SPTBN2: variants seen among roughly 807,000 people sequenced by gnomAD.
SPTBN2 encodes spectrin beta chain, non-erythrocytic 2.
A neutral mutation model predicts 284.2 loss-of-function variants in SPTBN2; 107 were observed. The ratio of observed to expected loss-of-function variants is 0.38; its 90% confidence interval spans 0.32 to 0.44. The LOEUF (loss-of-function observed/expected upper bound fraction) is 0.44, where lower values mean the gene tolerates loss of function less well. Among genes scored for constraint, SPTBN2 ranks in the 20% least tolerant of loss-of-function variants. SPTBN2 has a pLI of 1.00. For missense variants in SPTBN2, 2,569 were observed against 3,287.1 expected (o/e 0.78, Z 5.34); for synonymous variants, 1,289 against 1,354.8 (o/e 0.95, Z 1.07).
chr11:66,693,279 G>T lies in SPTBN2; in HGVS notation c.4761C>A (p.Ala1587=). 1 of 1,613,916 alleles carries T rather than the reference G, an allele frequency of 6.2e-7. No homozygotes were observed. ...LELRGKRLED[A]LRAQQFYRDA... is the part of the protein sequence containing the mutation. ...CGCGGTAGAACTGCTGGGCTCGCAG[G>T]GCATCCTCCAGTCGCTTCCCTCGAA... Residue 1587 remains alanine, a synonymous_variant, in exon 24 of 38, where the codon GCC becomes GCA. Coordinates refer to ENST00000533211, the MANE Select transcript of SPTBN2 (RefSeq NM_006946.4). The surrounding 1 kb of genome is among the most constrained non-coding windows in gnomAD (Gnocchi z 5.7).
In SPTBN2 at chr11:66,693,590, G is replaced by A. The variant is rs746581095; in HGVS notation, c.4594-144C>T. On this transcript the variant is annotated intron_variant, in intron 23 of 37. Transcript: ENST00000533211. The surrounding 1 kb of genome is among the most constrained non-coding windows in gnomAD (Gnocchi z 5.7). ...GCCTGGGGGTGCGATGGTAACACCC[G>A]TCAGCCGCCCAGCCCCCACTATCTC... 96 of 1,410,424 alleles carry A rather than the reference G, an allele frequency of 6.8e-5. No homozygotes were observed. The highest frequency in any genetic ancestry group is 8.4e-5 in the Non-Finnish European group (87 of 1,036,910). The allele number at this position is 1,410,424 out of a possible 1,614,324, so 87.4% of individuals were successfully genotyped here.
rs996182793 is a variant in SPTBN2 at position 66,708,022 on chromosome 11, T to G, written c.1350+119A>C. 1.3e-6 allele frequency: 2 copies of G among 1,543,786 alleles called. No homozygotes were observed. The highest frequency in any genetic ancestry group is 1.8e-6 in the Non-Finnish European group (2 of 1,123,380). ...CCCTGGCTCCCGGACCTCTAGGCCT[T>G]TTTACCCAGGTGACGGATTTTGTGT... On this transcript the variant is annotated intron_variant, in intron 12 of 37. Transcript: ENST00000533211. The surrounding 1 kb of genome is among the most constrained non-coding windows in gnomAD (Gnocchi z 4.4).
At chr11:66,739,252 T>G (rs967769070) in intron 1 of SPTBN2, among the ~76,000 whole-genome samples, 1 of 152,224 alleles carries the variant, frequency 6.6e-6, no homozygotes, top group African/African-American at 2.4e-5. Flanking sequence ...AGTCAACTTT[T>G]AGAGATCGGT....
intron 1 of SPTBN2, among the ~76,000 whole-genome samples, chr11:66,734,854 C>T (rs925622261): frequency 6.6e-6 from 1 of 152,174 alleles, no homozygotes; most frequent in Admixed American, 6.5e-5. Flanking sequence ...GTTTTCATAT[C>T]AAATGATGTA....
chr11:66,714,825 C>T (rs2135518547), intron 5 of SPTBN2, among the ~76,000 whole-genome samples: 1 of 152,142 alleles, frequency 6.6e-6, no homozygotes, highest in East Asian at 1.9e-4. Flanking sequence ...GGTGACTGTT[C>T]CATTGGGGGA....
Position 66,685,886 on chromosome 11 carries a change from A to G in SPTBN2, c.7158T>C (p.Phe2386=), listed in dbSNP as rs768285089. The G allele has an allele frequency of 6.8e-6, 11 of 1,613,712 alleles. No homozygotes were observed. In the East Asian group the frequency reaches 2.0e-4, roughly 29 times the overall value. The change falls in exon 38 of 38, where the codon TTT becomes TTC. Residue 2386 remains phenylalanine, a synonymous_variant. Coordinates refer to ENST00000533211, the MANE Select transcript of SPTBN2 (RefSeq NM_006946.4). The surrounding 1 kb of genome is among the most constrained non-coding windows in gnomAD (Gnocchi z 4.4). The stretch of plus-strand genomic sequence containing the variant: ...TTGCCCCCAACTACTTGTTCTTCTT[A>G]AAGAAGCTGAAGCGTTTTTCTCGCT... ...EREREKRFSF[F]KKNK
chr11:66,697,238 C>G (rs182499291), intron 20 of SPTBN2, among the ~76,000 whole-genome samples: 152 of 152,282 alleles, frequency 1.0e-3, no homozygotes, highest in Middle Eastern at 3.4e-3. Flanking sequence ...GCTCCACCCC[C>G]CTACTGATCA....
In SPTBN2 at chr11:66,686,104, C is replaced by T. The variant is rs184825626; in HGVS notation, c.6940G>A (p.Ala2314Thr). The change falls in exon 38 of 38, where the codon GCA becomes ACA. Residue 2314 changes from alanine (A) to threonine (T), a missense_variant and splice_region_variant. This residue lies in a region of SPTBN2 where 1,130 missense variants were observed against 1,317.3 expected (regional missense o/e 0.86). Coordinates refer to ENST00000533211, the MANE Select transcript of SPTBN2 (RefSeq NM_006946.4). ...KEYLFQAKDE[A>T]EMSSWLRVVN... ...ACCCGTAGCCACGAGCTCATCTCTG[C>T]CTGTGGATGGAAAGACCCTCAATCA... The T allele has an allele frequency of 5.6e-6, 9 of 1,612,158 alleles. No homozygotes were observed. Among genetic ancestry groups the T allele is most frequent in the Non-Finnish European group, 7.6e-6 (9 of 1,179,126 alleles).
upstream of SPTBN2, among the ~76,000 whole-genome samples, chr11:66,733,416 G>A (rs1942828263): frequency 6.6e-6 from 1 of 152,180 alleles, no homozygotes; most frequent in Non-Finnish European, 1.5e-5. Flanking sequence ...GATAGATACA[G>A]GGGTGGTGGT....
Position 66,700,564 on chromosome 11 carries a change from G to T in SPTBN2, c.3535C>A (p.Arg1179=). 1 of 1,606,862 alleles carries T rather than the reference G, an allele frequency of 6.2e-7. No individual in the cohort carries two copies. Residue 1179 remains arginine, a synonymous_variant, in exon 17 of 38, where the codon CGG becomes AGG. Coordinates refer to ENST00000533211, the MANE Select transcript of SPTBN2 (RefSeq NM_006946.4). This position sits in a 1 kb window ranked among gnomAD's most constrained non-coding sequence, Gnocchi z 6.6. ...AQAHGFQGFL[R]DARQAEGVLS... ...ACGCCCTCAGCCTGACGAGCATCCC[G>T]CAGGAATCCCTGGAAGCCGTGGGCC...
chr11:66,713,321 G>T (rs555937567), intron 8 of SPTBN2, among the ~76,000 whole-genome samples: 29 of 149,610 alleles, frequency 1.9e-4, no homozygotes, highest in Admixed American at 2.6e-4. Context: ...TATTTTTTTT[G>T]GGGGGGAGGG....
chr11:66,722,209 A>C (rs1222313443), intron 1 of SPTBN2, among the ~76,000 whole-genome samples: 1 of 152,130 alleles, frequency 6.6e-6, no homozygotes, highest in East Asian at 1.9e-4. Flanking sequence ...GACATGCATC[A>C]CGTCACCATA....
At position 66,699,556 on chromosome 11, in the gene SPTBN2, G is replaced by T. The variant is rs778424143; in HGVS notation, c.3626C>A (p.Ala1209Asp). 3 of 1,614,190 alleles carry T rather than the reference G, an allele frequency of 1.9e-6. No homozygotes were observed. In the South Asian group the frequency reaches 3.3e-5, roughly 18 times the overall value. Residue 1209 changes from alanine (A) to aspartate (D), a missense_variant, in exon 18 of 38, where the codon GCT (alanine) becomes GAT (aspartate). Physicochemically the swap from Ala to Asp is moderately radical, Grantham distance 126 (BLOSUM62 -2). Transcript: ENST00000533211. ...GAAGTCCTCCAGTTTTTTAATGGCAGCATCAGCAGCCTGGAGTGTCCCTGG... is the reference window on the plus strand; with the variant it reads ...GAAGTCCTCCAGTTTTTTAATGGCATCATCAGCAGCCTGGAGTGTCCCTGG... ...EMPGTLQAADAAIKKLEDFMS... is the reference protein window; with the variant it reads ...EMPGTLQAADDAIKKLEDFMS...
chr11:66,715,514 C>A lies in SPTBN2; in HGVS notation c.310-119G>T. 1 of 1,365,460 alleles carries A rather than the reference C, an allele frequency of 7.3e-7. No homozygotes were observed. The highest frequency in any genetic ancestry group is 9.9e-7 in the Non-Finnish European group (1 of 1,006,604). 84.6% of individuals were successfully genotyped at this position (1,365,460 alleles called of 1,614,324 possible). A position where few individuals can be genotyped will look rare whatever the true frequency, so the allele number is the denominator to read the frequency against. On this transcript the variant is annotated intron_variant, in intron 4 of 37. Coordinates refer to ENST00000533211, the MANE Select transcript of SPTBN2 (RefSeq NM_006946.4). The surrounding 1 kb of genome is among the most constrained non-coding windows in gnomAD (Gnocchi z 5.3). ...GACCTACCTCAGGAACACAGACAGG[C>A]ACAGCCCCAGGGCTGGAGCCAAAGC... is the stretch of plus-strand genomic sequence containing the variant.
In SPTBN2 at chr11:66,721,176, A is replaced by C; in HGVS notation, c.65T>G (p.Ile22Ser). 1 of 1,613,968 alleles carries C rather than the reference A, an allele frequency of 6.2e-7. No individual in the cohort carries two copies. The highest frequency in any genetic ancestry group is 8.5e-7 in the Non-Finnish European group (1 of 1,179,990). Residue 22 changes from isoleucine (I) to serine (S), a missense_variant, in exon 3 of 38, where the codon ATC becomes AGC. Physicochemically the swap from Ile to Ser is moderately radical, Grantham distance 142 (BLOSUM62 -2). Around this residue, in one of 6 missense-constraint regions of SPTBN2, gnomAD observed 304 missense variants for 522.1 expected, o/e 0.58. Transcript: ENST00000533211. ...SLEIQGQYSD[I>S]NNRWDLPDSD... is the part of the protein sequence containing the mutation. ...GTCAGGAAGGTCCCAGCGGTTGTTG[A>C]TGTCACTGTACTGGCCCTGGATTTC...
At chr11:66,692,905 C>G in intron 25 of SPTBN2, 65 bp downstream of exon 25, 1 of 1,597,768 alleles carries the variant, frequency 6.3e-7, no homozygotes, top group Non-Finnish European at 8.5e-7. Context: ...TCCACATTCC[C>G]TGCACCTTCC....
intron 1 of SPTBN2, among the ~76,000 whole-genome samples, chr11:66,741,455 G>A (rs771380272): frequency 4.6e-5 from 7 of 152,190 alleles, no homozygotes; most frequent in Non-Finnish European, 8.8e-5. Flanking sequence ...ATTACCCAGT[G>A]TCGGGTATGT....
intron 20 of SPTBN2, among the ~76,000 whole-genome samples, chr11:66,698,286 G>T (rs1941045430): frequency 6.6e-6 from 1 of 152,182 alleles, no homozygotes; most frequent in African/African-American, 2.4e-5. Flanking sequence ...AAACTGTTTG[G>T]ACTGCAAAGC....
Position 66,690,023 on chromosome 11 carries a change from G to A in SPTBN2, c.5810+16C>T. On this transcript the variant is annotated intron_variant, in intron 28 of 37. Transcript: ENST00000533211. The stretch of plus-strand genomic sequence containing the variant: ...GCCACACAACCCGTGGAGGCCCTGA[G>A]CCCTGGGATTCTCACCGGGGACGCT... The A allele has an allele frequency of 6.2e-7, 1 of 1,614,236 alleles. No individual in the cohort carries two copies. The highest frequency in any genetic ancestry group is 8.5e-7 in the Non-Finnish European group (1 of 1,180,036).
Sources: allele counts gnomAD v4.1 joint callset (sites outside exome capture counted in the v4.1 genomes callset), GRCh38; gene constraint gnomAD v4.1.1; regional missense constraint gnomAD v4.1.1; non-coding constraint Gnocchi (gnomAD v3.1); transcripts MANE v1.5; gene names NCBI Gene and HGNC (gene_info 2026-07-23, HGNC 2026-07-21).